The following JAKMIP3 variants were observed in gnomAD, a reference collection of about 807,000 sequenced individuals.
JAKMIP3 encodes janus kinase and microtubule-interacting protein 3.
A neutral mutation model predicts 118.5 loss-of-function variants in JAKMIP3; 58 were observed. That is an observed-to-expected ratio of 0.49 (90% confidence interval 0.40 to 0.61). The LOEUF (loss-of-function observed/expected upper bound fraction) is 0.61. Ranked by LOEUF, JAKMIP3 falls within the 20% of genes least tolerant of loss-of-function variation. The probability of loss-of-function intolerance (pLI) is 0.00; values close to 1 mark genes in which losing one functional copy is unlikely to be tolerated. For synonymous variants in JAKMIP3, 486 were observed against 451.2 expected (o/e 1.08, Z -0.98); for missense variants, 950 against 1,109.0 (o/e 0.86, Z 2.04).
chr10:132,162,852 C>T (rs970702765), intron 19 of JAKMIP3, among the ~76,000 whole-genome samples: 3 of 151,886 alleles, frequency 2.0e-5, no homozygotes, highest in African/African-American at 4.8e-5. Context: ...GGGGAGGCAG[C>T]GTGTGACCCC....
chr10:132,115,207 C>CT (rs1362632272), intron 2 of JAKMIP3, among the ~76,000 whole-genome samples: 2 of 97,174 alleles, frequency 2.1e-5, no homozygotes, highest in Non-Finnish European at 4.4e-5. Flanking sequence ...GCGATCGCGG[C>CT]TAGGGGTCAC....
At chr10:132,127,584 G>C (rs1213521856) in intron 3 of JAKMIP3, among the ~76,000 whole-genome samples, 1 of 152,128 alleles carries the variant, frequency 6.6e-6, no homozygotes, top group Non-Finnish European at 1.5e-5. Context: ...GGAGCTTCTT[G>C]TTATCCATTC....
At position 132,104,859 on chromosome 10, in the gene JAKMIP3, C is replaced by T. The variant is rs373674808; in HGVS notation, c.51C>T (p.Ala17=). 2.1e-5 allele frequency: 32 copies of T among 1,558,492 alleles called. No homozygotes were observed. The highest frequency in any genetic ancestry group is 1.5e-4 in the South Asian group (13 of 84,386). The part of the protein sequence containing the change: ...SSRAKGDKAE[A]LAALQAANED... ...GGGCCAAGGGGGACAAGGCAGAGGC[C>T]CTCGCGGCGCTGCAGGCGGCCAACG... Residue 17 remains alanine (A), a synonymous_variant, in exon 2 of 24, where the codon GCC becomes GCT. Transcript: ENST00000684848.
chr10:132,059,048 T>C (rs1261290602), intron 1 of JAKMIP3, among the ~76,000 whole-genome samples: 2 of 152,192 alleles, frequency 1.3e-5, no homozygotes, highest in Non-Finnish European at 2.9e-5. Flanking sequence ...CCGGCTTGTG[T>C]CTGTCTGACT....
chr10:132,076,952 T>C (rs1157930844), intron 1 of JAKMIP3, among the ~76,000 whole-genome samples: 4 of 151,742 alleles, frequency 2.6e-5, no homozygotes, highest in Non-Finnish European at 5.9e-5. Context: ...TGGCCTGCGG[T>C]GGCCCCGGGT....
chr10:132,167,821 GGCCCTCA>G (rs939297843), intron 22 of JAKMIP3, 125 bp from the exon 23 acceptor site: 6 of 374,618 alleles, frequency 1.6e-5, no homozygotes, highest in African/African-American at 1.4e-4. Flanking sequence ...CTCACCCCTC[GGCCCTCA>G]CCCCTCGGCC....
At position 132,137,242 on chromosome 10, in the gene JAKMIP3, T is replaced by C. The variant is rs1452796980; in HGVS notation, c.1249-12T>C. 6.2e-7 allele frequency: 1 copy of C among 1,613,888 alleles called. No homozygotes were observed. Among genetic ancestry groups the C allele is most frequent in the Admixed American group, 1.7e-5 (1 of 60,024 alleles). On this transcript the variant is annotated splice_polypyrimidine_tract_variant and intron_variant, in intron 7 of 23. Transcript: ENST00000684848. ...CTGAGCAATTCCGTAACATGCTGTC[T>C]TCCTTTCCTAGACCCTTGAGACCGC...
In JAKMIP3 at chr10:132,142,531, C is replaced by T. The variant is rs1476557403; in HGVS notation, c.1602+483C>T. Reference sequence around the variant, plus strand: ...CCCGGCCTCCCCACTGGGCAGCACCCCAGCAGCCGTGTCCCTCCGCCCACT... The same window carrying T: ...CCCGGCCTCCCCACTGGGCAGCACCTCAGCAGCCGTGTCCCTCCGCCCACT... On this transcript the variant is annotated intron_variant, in intron 11 of 23. Coordinates refer to ENST00000684848, the MANE Select transcript of JAKMIP3 (RefSeq NM_001323087.2). Among the ~76,000 whole-genome samples, 4 of 151,304 alleles carry T rather than the reference C, an allele frequency of 2.6e-5. No homozygotes were observed. The East Asian group carries it at 7.7e-4, about 29-fold the overall frequency.
At chr10:132,149,554 T>TTCCCCCGCCCCACCCCCTCCCTG in intron 15 of JAKMIP3, 44 bp downstream of exon 15, 5 of 530,844 alleles carry the variant, frequency 9.4e-6, no homozygotes, top group Admixed American at 5.4e-5. Context: ...ACCTCACCCA[T>TTCCCCCGCCCCACCCCCTCCCTG]CCCCCGCCCC....
At chr10:132,173,362 G>T (rs560580590) in intron 23 of JAKMIP3, among the ~76,000 whole-genome samples, 1 of 150,688 alleles carries the variant, frequency 6.6e-6, no homozygotes, top group East Asian at 2.0e-4. Flanking sequence ...GATACTTGGC[G>T]CTTGCTGTCT....
At chr10:132,050,006 G>A (rs374270339) in intron 1 of JAKMIP3, among the ~76,000 whole-genome samples, 2 of 152,136 alleles carry the variant, frequency 1.3e-5, no homozygotes, top group African/African-American at 4.8e-5. Flanking sequence ...ATATTCCCAA[G>A]TTCATGGTCA....
chr10:132,155,863 C>A (rs2057027289), intron 19 of JAKMIP3, among the ~76,000 whole-genome samples: 1 of 152,160 alleles, frequency 6.6e-6, no homozygotes, highest in South Asian at 2.1e-4. Flanking sequence ...GGTGAGCTGG[C>A]CCCAGTGGTG....
intron 23 of JAKMIP3, among the ~76,000 whole-genome samples, chr10:132,171,238 G>A (rs750340927): frequency 1.3e-5 from 2 of 152,188 alleles, no homozygotes; most frequent in South Asian, 2.1e-4. Context: ...CGTCTGCTCC[G>A]AGTGTGCAGT....
rs2037857944 is a variant in JAKMIP3 at position 132,044,719 on chromosome 10, G to A, written c.-138+7981G>A. On this transcript the variant is annotated intron_variant, in intron 1 of 23. Transcript: ENST00000657785. This position sits in a 1 kb window ranked among gnomAD's most constrained non-coding sequence, Gnocchi z 5.3. Reference sequence around the variant, plus strand: ...AAGTCACCATCTGAACCATTTTTAGGTGTGCGGCTCAGAGTAGGGACAATC... The same window carrying A: ...AAGTCACCATCTGAACCATTTTTAGATGTGCGGCTCAGAGTAGGGACAATC... Among the ~76,000 whole-genome samples, 1 of 152,088 alleles carries A rather than the reference G, an allele frequency of 6.6e-6. No individual in the cohort carries two copies. The highest frequency in any genetic ancestry group is 6.6e-5 in the Admixed American group (1 of 15,258).
chr10:132,152,927 G>T lies in JAKMIP3; in HGVS notation c.2008-31G>T. Reference sequence around the variant, plus strand: ...CCTCACCCCCAAAGGCACTGCTTCTGACCGCACCTGTGTTCTGCTTTTGGG... The same window carrying T: ...CCTCACCCCCAAAGGCACTGCTTCTTACCGCACCTGTGTTCTGCTTTTGGG... On this transcript the variant is annotated intron_variant, in intron 16 of 23. Coordinates refer to ENST00000684848, the MANE Select transcript of JAKMIP3 (RefSeq NM_001323087.2). 1.9e-6 allele frequency: 3 copies of T among 1,570,778 alleles called. No individual in the cohort carries two copies. In the South Asian group the frequency reaches 3.5e-5, roughly 18 times the overall value.
At chr10:132,098,576 G>A (rs2044341415) in intron 1 of JAKMIP3, among the ~76,000 whole-genome samples, 1 of 152,196 alleles carries the variant, frequency 6.6e-6, no homozygotes, top group Non-Finnish European at 1.5e-5. Flanking sequence ...CCATCGCAGT[G>A]GCCACTGCAG....
In JAKMIP3 at chr10:132,118,173, C is replaced by T. The variant is rs889383708; in HGVS notation, c.633+599C>T. On this transcript the variant is annotated intron_variant, in intron 3 of 23. Coordinates refer to ENST00000684848, the MANE Select transcript of JAKMIP3 (RefSeq NM_001323087.2). This position sits in a 1 kb window ranked among gnomAD's most constrained non-coding sequence, Gnocchi z 4.8. Reference sequence around the variant, plus strand: ...CACTTGGGCTGGACCAGATGAGCTGCCGGTTTTGTGGATCAATGAGGTCTA... The same window carrying T: ...CACTTGGGCTGGACCAGATGAGCTGTCGGTTTTGTGGATCAATGAGGTCTA... Among the ~76,000 whole-genome samples, 5 of 152,172 alleles carry T rather than the reference C, an allele frequency of 3.3e-5. No homozygotes were observed. Among genetic ancestry groups the T allele is most frequent in the African/African-American group, 9.7e-5 (4 of 41,440 alleles).
chr10:132,051,033 G>A (rs931782829), intron 1 of JAKMIP3, among the ~76,000 whole-genome samples: 3 of 151,554 alleles, frequency 2.0e-5, no homozygotes, highest in Non-Finnish European at 2.9e-5. Flanking sequence ...TGGCATGGTT[G>A]GTCTTGTTAA....
intron 1 of JAKMIP3, among the ~76,000 whole-genome samples, chr10:132,077,137 C>T (rs1239652727): frequency 6.6e-6 from 1 of 152,218 alleles, no homozygotes; most frequent in African/African-American, 2.4e-5. Flanking sequence ...ACGGCTTCCT[C>T]TCCTTGCTCG....
Sources: gnomAD v4.1 joint callset for allele counts (sites outside exome capture counted in the v4.1 genomes callset) on GRCh38, gnomAD v4.1.1 for gene constraint, Gnocchi (gnomAD v3.1) non-coding constraint, MANE v1.5 for transcripts, NCBI Gene and HGNC (gene_info 2026-07-23, HGNC 2026-07-21) for gene names.